ZNF407: variants seen among roughly 807,000 people sequenced by gnomAD.
ZNF407 encodes the protein zinc finger protein 407.
In ZNF407, 17 loss-of-function variants were observed where a neutral mutation model predicts 131.2. The ratio of observed to expected loss-of-function variants is 0.13; its 90% CI spans 0.09 to 0.19. The LOEUF is 0.19. ZNF407 is among the 10% of genes least tolerant of loss of function. ZNF407 has a pLI of 1.00. For missense variants in ZNF407, 2,681 were observed against 2,830.6 expected, an observed-to-expected ratio of 0.95 and a Z score of 1.20; for synonymous variants, 1,156 against 1,062.0, an observed-to-expected ratio of 1.09 and a Z score of -1.72.
intron 3 of ZNF407, among the ~76,000 whole-genome samples, chr18:74,762,953 T>A (rs1969130322): frequency 6.6e-6 from 1 of 152,104 alleles, no homozygotes; most frequent in Non-Finnish European, 1.5e-5. Context: ...TTCTCTTGGG[T>A]AAATACCTAA....
chr18:74,807,377 G>A (rs974279583), intron 4 of ZNF407, among the ~76,000 whole-genome samples: 6 of 152,026 alleles, frequency 3.9e-5, no homozygotes, highest in South Asian at 2.1e-4. Context: ...GCAGGGTCCC[G>A]AGAGTCATGG....
rs375279040 is a variant in ZNF407 at position 74,697,199 on chromosome 18, T to C, written c.4802+56077T>C. Among the ~76,000 whole-genome samples the C allele has an allele frequency of 3.2e-4, 48 of 152,324 alleles. 1 individual carries two copies. Among genetic ancestry groups the C allele is most frequent in the East Asian group, 1.9e-3 (10 of 5,188 alleles). ...GTTTGCATTTCCCTCATCAACCTTCTTGATTCTTCTCCATTCACATTAGCT... is the reference window on the plus strand; with the variant it reads ...GTTTGCATTTCCCTCATCAACCTTCCTGATTCTTCTCCATTCACATTAGCT... On this transcript the variant is annotated intron_variant, in intron 3 of 8. Transcript: ENST00000299687.
At chr18:74,898,145 A>G (rs1381206732) in intron 7 of ZNF407, 2 of 152,230 alleles carry the variant, frequency 1.3e-5, no homozygotes, top group Admixed American at 1.3e-4. Context: ...AGAGGAAGAC[A>G]GAGCAGCTTA....
intron 3 of ZNF407, among the ~76,000 whole-genome samples, chr18:74,646,340 G>A (rs1984971073): frequency 6.6e-6 from 1 of 152,102 alleles, no homozygotes. Context: ...GATATAGATA[G>A]GAAATGTTTA....
chr18:74,975,875 G>T (rs1972522497), intron 8 of ZNF407, among the ~76,000 whole-genome samples: 1 of 152,124 alleles, frequency 6.6e-6, no homozygotes, highest in Non-Finnish European at 1.5e-5. Context: ...CTTTTCTATT[G>T]TATGTTGTTA....
At chr18:74,890,142 T>G (rs977227166) in intron 7 of ZNF407, 104 bp downstream of exon 7, 40 of 1,277,874 alleles carry the variant, frequency 3.1e-5, no homozygotes, top group Non-Finnish European at 4.0e-5. Flanking sequence ...CACCATGAGT[T>G]CATATATTCG....
At chr18:74,928,772 C>T (rs1224688314) in intron 8 of ZNF407, among the ~76,000 whole-genome samples, 3 of 152,126 alleles carry the variant, frequency 2.0e-5, no homozygotes, top group Admixed American at 1.3e-4. Flanking sequence ...AGGCCTGTCC[C>T]TCCGGCCTTC....
At chr18:74,657,885 C>G (rs952200088) in intron 3 of ZNF407, among the ~76,000 whole-genome samples, 2 of 146,930 alleles carry the variant, frequency 1.4e-5, no homozygotes, top group East Asian at 4.0e-4. Context: ...CTCTTGCTCT[C>G]TACTTCTCCT....
chr18:75,063,763 C>G lies in ZNF407; in HGVS notation c.6042C>G (p.Pro2014=), dbSNP rs369887612. 3.1e-6 allele frequency: 5 copies of G among 1,611,208 alleles called. No individual in the cohort carries two copies. Among genetic ancestry groups the G allele is most frequent in the Non-Finnish European group, 4.2e-6 (5 of 1,179,774 alleles). Residue 2014 remains proline (P), a synonymous_variant, in exon 9 of 9, where the codon CCC becomes CCG. Transcript: ENST00000299687. This position sits in a 1 kb window ranked among gnomAD's most constrained non-coding sequence, Gnocchi z 6.6. The part of the protein sequence containing the change: ...GRAGLEEQGR[P]GAKDVLIQLP... ...CTGGGCTCGAGGAGCAAGGCAGGCC[C>G]GGCGCCAAAGACGTGCTGATCCAGC...
At chr18:74,808,236 A>T (rs1166378096) in intron 4 of ZNF407, among the ~76,000 whole-genome samples, 2 of 152,016 alleles carry the variant, frequency 1.3e-5, no homozygotes, top group African/African-American at 2.4e-5. Context: ...CTGGTCTCGA[A>T]CTCCTGACCT....
At chr18:74,993,379 C>T (rs1972741433) in intron 8 of ZNF407, among the ~76,000 whole-genome samples, 2 of 152,262 alleles carry the variant, frequency 1.3e-5, no homozygotes, top group South Asian at 4.2e-4. Flanking sequence ...TAAGCAAAAG[C>T]GCAGACACAG....
chr18:74,813,668 G>A (rs1970229552), intron 4 of ZNF407, among the ~76,000 whole-genome samples: 1 of 152,120 alleles, frequency 6.6e-6, no homozygotes, highest in Non-Finnish European at 1.5e-5. Context: ...GTAACATGGG[G>A]GAGGAGGTGG....
rs577940850 is a variant in ZNF407 at position 74,676,651 on chromosome 18, G to A, written c.4802+35529G>A. Among the ~76,000 whole-genome samples, 343 of 151,822 alleles carry A rather than the reference G, an allele frequency of 2.3e-3. 1 individual carries two copies. The highest frequency in any genetic ancestry group is 0.01 in the Middle Eastern group (3 of 292). ...GGGTTTCACCGTGTTAGCCAGGATGGTCTCGATCTCCTGACCTCGTGATCT... is the reference window on the plus strand; with the variant it reads ...GGGTTTCACCGTGTTAGCCAGGATGATCTCGATCTCCTGACCTCGTGATCT... On this transcript the variant is annotated intron_variant, in intron 3 of 8. Coordinates refer to ENST00000299687, the MANE Select transcript of ZNF407 (RefSeq NM_017757.3).
At chr18:74,763,705 A>ATTT (rs11340257) in intron 3 of ZNF407, among the ~76,000 whole-genome samples, 24 of 70,208 alleles carry the variant, frequency 3.4e-4, no homozygotes, top group African/African-American at 1.1e-3. Flanking sequence ...CTTATCTTTG[A>ATTT]TTTTTTTTTT....
At chr18:74,622,178 C>G (rs1205180038) in intron 1 of ZNF407, among the ~76,000 whole-genome samples, 2 of 152,022 alleles carry the variant, frequency 1.3e-5, no homozygotes, top group African/African-American at 4.8e-5. Context: ...GTGCAGCGCC[C>G]TTTAGTTACC....
At chr18:74,992,608 C>T (rs939771343) in intron 8 of ZNF407, among the ~76,000 whole-genome samples, 12 of 152,190 alleles carry the variant, frequency 7.9e-5, no homozygotes, top group Non-Finnish European at 8.8e-5. Flanking sequence ...GTGAGCGTCA[C>T]GGAAGGTGGA....
chr18:75,049,086 A>ATTTTTTTTTTT (rs79781750), intron 8 of ZNF407, among the ~76,000 whole-genome samples: 1 of 11,008 alleles, frequency 9.1e-5, no homozygotes. Context: ...GGCCGGTAGT[A>ATTTTTTTTTTT]TTTTTTTTTT....
intron 8 of ZNF407, among the ~76,000 whole-genome samples, chr18:75,041,622 G>GCACACACA (rs57989015): frequency 7.6e-5 from 11 of 144,974 alleles, no homozygotes; most frequent in African/African-American, 2.6e-4. Flanking sequence ...GCATGCACGT[G>GCACACACA]CACACACACA....
At chr18:74,834,081 C>G (rs1226792611) in intron 4 of ZNF407, among the ~76,000 whole-genome samples, 1 of 152,150 alleles carries the variant, frequency 6.6e-6, no homozygotes, top group Non-Finnish European at 1.5e-5. Context: ...AAAATCTAAC[C>G]TTTATCAAAC....
Sources: gnomAD v4.1 joint callset for allele counts (sites outside exome capture counted in the v4.1 genomes callset) on GRCh38, gnomAD v4.1.1 for gene constraint, Gnocchi (gnomAD v3.1) non-coding constraint, MANE v1.5 for transcripts, NCBI Gene and HGNC (gene_info 2026-07-23, HGNC 2026-07-21) for gene names.